The following SEMA3C variants were observed in gnomAD, a reference collection of about 807,000 sequenced individuals.
SEMA3C encodes the protein semaphorin 3C.
SEMA3C carries 47 observed loss-of-function variants against 89.4 expected under a neutral mutation model. The ratio of observed to expected loss-of-function variants is 0.53; its 90% CI spans 0.42 to 0.67. SEMA3C has a LOEUF of 0.67. Ranked by LOEUF, SEMA3C falls within the 30% of genes least tolerant of loss-of-function variation. The probability of loss-of-function intolerance (pLI) is 0.00; values close to 1 mark genes in which losing one functional copy is unlikely to be tolerated. For synonymous variants in SEMA3C, 310 were observed against 320.2 expected (o/e 0.97, Z 0.34); for missense variants, 839 against 929.1 (o/e 0.90, Z 1.26).
chr7:80,903,399 G>A (rs766405929), intron 2 of SEMA3C, among the ~76,000 whole-genome samples: 23 of 152,140 alleles, frequency 1.5e-4, no homozygotes, highest in Non-Finnish European at 2.8e-4. Flanking sequence ...AATGGCTCAC[G>A]CCTGTAATCC....
intron 16 of SEMA3C, 21 bp from the exon 17 acceptor site, chr7:80,749,049 G>T: frequency 6.3e-7 from 1 of 1,581,396 alleles, no homozygotes; most frequent in Non-Finnish European, 8.6e-7. Flanking sequence ...AAAATAAAAG[G>T]CGAGAGAGAA....
rs1185875380 is a variant in SEMA3C at position 80,744,941 on chromosome 7, T to C, written c.2209A>G (p.Asn737Asp). Residue 737 changes from asparagine to aspartate, a missense_variant, in exon 18 of 18, where the codon AAT becomes GAT. Coordinates refer to ENST00000265361, the MANE Select transcript of SEMA3C (RefSeq NM_006379.5). ...CTCCTGTTTCTACTTTTCCGACTAT[T>C]GATGAGGGCCTTTAACTTGCCATAG... The part of the protein sequence containing the change: ...GDYGKLKALI[N>D]SRKSRNRRNQ... 1.2e-5 allele frequency: 20 copies of C among 1,614,116 alleles called. No individual in the cohort carries two copies. Among genetic ancestry groups the C allele is most frequent in the Non-Finnish European group, 1.4e-5 (17 of 1,179,970 alleles).
intron 12 of SEMA3C, among the ~76,000 whole-genome samples, chr7:80,771,829 C>T (rs999762965): frequency 6.6e-6 from 1 of 152,148 alleles, no homozygotes; most frequent in Non-Finnish European, 1.5e-5. Flanking sequence ...GTATTCTAGT[C>T]AGGGCCAGCT....
intron 14 of SEMA3C, among the ~76,000 whole-genome samples, chr7:80,761,113 G>T (rs1788173104): frequency 6.6e-6 from 1 of 151,934 alleles, no homozygotes; most frequent in South Asian, 2.1e-4. Flanking sequence ...TTAAATTTGA[G>T]ACTTTTCTTT....
intron 12 of SEMA3C, among the ~76,000 whole-genome samples, chr7:80,786,462 G>GA (rs1275469520): frequency 2.0e-5 from 3 of 149,748 alleles, no homozygotes; most frequent in Admixed American, 6.7e-5. Context: ...GGCTTCACAA[G>GA]AAAAAAAAGA....
intron 2 of SEMA3C, among the ~76,000 whole-genome samples, chr7:80,886,967 A>G (rs1791495588): frequency 6.6e-6 from 1 of 152,170 alleles, no homozygotes; most frequent in South Asian, 2.1e-4. Context: ...TAAACACTAA[A>G]GTCTTGAAAT....
chr7:80,871,945 T>A (rs1031131462), intron 2 of SEMA3C, among the ~76,000 whole-genome samples: 1 of 152,098 alleles, frequency 6.6e-6, no homozygotes, highest in African/African-American at 2.4e-5. Context: ...AATATAAAAA[T>A]TTCCTTTTTC....
chr7:80,802,708 C>T lies in SEMA3C; in HGVS notation c.873G>A (p.Ser291=), dbSNP rs757267634. The change falls in exon 9 of 18, where the codon TCG becomes TCA. Residue 291 remains serine (S), a synonymous_variant. Coordinates refer to ENST00000265361, the MANE Select transcript of SEMA3C (RefSeq NM_006379.5). ...TTFLKARLVC[S]VTDEDGPETH... ...TTTCTGGGCCGTCTTCATCTGTTAC[C>T]GAGCACACCAGCCTCGCCTTTAAGA... 3.2e-5 allele frequency: 51 copies of T among 1,613,300 alleles called. No individual in the cohort carries two copies. The highest frequency in any genetic ancestry group is 1.3e-4 in the Admixed American group (8 of 59,970).
intron 15 of SEMA3C, among the ~76,000 whole-genome samples, chr7:80,752,366 C>T (rs771698228): frequency 3.1e-4 from 47 of 152,172 alleles, no homozygotes; most frequent in Admixed American, 5.2e-4. Flanking sequence ...AATCCCAGCA[C>T]TTTGGGAGGC....
At chr7:80,910,169 T>C (rs1792110658) in intron 2 of SEMA3C, among the ~76,000 whole-genome samples, 1 of 152,200 alleles carries the variant, frequency 6.6e-6, no homozygotes. Flanking sequence ...CATTAAGCTG[T>C]AGAACCTTAA....
chr7:80,805,847 G>T, intron 6 of SEMA3C, 89 bp from the exon 7 acceptor site: 1 of 785,032 alleles, frequency 1.3e-6, no homozygotes, highest in Non-Finnish European at 2.0e-6. Context: ...ATCACCACAG[G>T]TATTACAGTG....
chr7:80,777,537 C>T (rs1022145017), intron 12 of SEMA3C, among the ~76,000 whole-genome samples: 4 of 152,126 alleles, frequency 2.6e-5, no homozygotes, highest in Admixed American at 6.5e-5. Flanking sequence ...GGTGATCCAC[C>T]GACCTCGGCC....
At chr7:80,768,535 C>A (rs1265819438) in intron 12 of SEMA3C, among the ~76,000 whole-genome samples, 1 of 151,592 alleles carries the variant, frequency 6.6e-6, no homozygotes, top group Non-Finnish European at 1.5e-5. Context: ...AAAAGAATTA[C>A]CCCGATAACA....
chr7:80,912,294 T>A (rs1249333568), intron 2 of SEMA3C, among the ~76,000 whole-genome samples: 1 of 152,140 alleles, frequency 6.6e-6, no homozygotes, highest in East Asian at 1.9e-4. Flanking sequence ...TCCCTCCAAT[T>A]CAAGTCTACT....
chr7:80,908,159 A>T (rs1792058284), intron 2 of SEMA3C, among the ~76,000 whole-genome samples: 1 of 152,184 alleles, frequency 6.6e-6, no homozygotes, highest in Non-Finnish European at 1.5e-5. Context: ...ATTTAAAATA[A>T]ACTGTGATCA....
At chr7:80,747,659 CTTCT>C (rs1787831952) in intron 17 of SEMA3C, among the ~76,000 whole-genome samples, 2 of 152,092 alleles carry the variant, frequency 1.3e-5, no homozygotes, top group Non-Finnish European at 2.9e-5. Flanking sequence ...AATGTCAAGA[CTTCT>C]TTGATAACAG....
At chr7:80,849,148 A>G (rs2115925766) in intron 2 of SEMA3C, among the ~76,000 whole-genome samples, 1 of 152,290 alleles carries the variant, frequency 6.6e-6, no homozygotes, top group South Asian at 2.1e-4. Flanking sequence ...TTCTACCATG[A>G]GTGGATAATT....
chr7:80,900,818 G>A (rs1157819346), intron 2 of SEMA3C, among the ~76,000 whole-genome samples: 2 of 152,174 alleles, frequency 1.3e-5, no homozygotes, highest in Non-Finnish European at 1.5e-5. Context: ...CTAGTTTATT[G>A]TACAACACTA....
intron 2 of SEMA3C, 100 bp from the exon 3 acceptor site, chr7:80,828,845 G>T: frequency 1.1e-6 from 1 of 926,702 alleles, no homozygotes; most frequent in Non-Finnish European, 1.6e-6. Flanking sequence ...AAAATGTCAA[G>T]GTACATTTTC....
Sources: gnomAD v4.1 joint callset for allele counts (sites outside exome capture counted in the v4.1 genomes callset) on GRCh38, gnomAD v4.1.1 for gene constraint, MANE v1.5 for transcripts, NCBI Gene and HGNC (gene_info 2026-07-23, HGNC 2026-07-21) for gene names.